ETNK1: variants seen among roughly 807,000 people sequenced by gnomAD.
ETNK1 encodes putative protein product of Nbla10396.
Under a neutral mutation model 45.1 loss-of-function variants are expected in ETNK1, and 8 were observed. The observed-to-expected ratio is 0.18, with a 90% CI of 0.10 to 0.32. ETNK1 has a LOEUF of 0.32. Ranked by LOEUF, ETNK1 falls within the 10% of genes least tolerant of loss-of-function variation. ETNK1 has a pLI of 1.00. For synonymous variants in ETNK1, 152 were observed against 151.9 expected (o/e 1.00, Z -0.01); for missense variants, 302 against 430.6 (o/e 0.70, Z 2.64).
intron 1 of ETNK1, among the ~76,000 whole-genome samples, chr12:22,637,368 C>T (rs1440997339): frequency 6.6e-6 from 1 of 152,118 alleles, no homozygotes; most frequent in East Asian, 1.9e-4. Flanking sequence ...ATCCTGTCCC[C>T]ATTACTTTGC....
intron 4 of ETNK1, among the ~76,000 whole-genome samples, chr12:22,668,278 A>G (rs1165845766): frequency 6.6e-6 from 1 of 152,228 alleles, no homozygotes; most frequent in East Asian, 1.9e-4. Flanking sequence ...CTAGTTAATT[A>G]TTAATGCTGA....
intron 3 of ETNK1, among the ~76,000 whole-genome samples, chr12:22,659,955 T>G (rs976859029): frequency 6.6e-6 from 1 of 151,834 alleles, no homozygotes; most frequent in Non-Finnish European, 1.5e-5. Context: ...ATTTTGTATT[T>G]CTTTTATTCC....
At chr12:22,637,825 T>A (rs1953674790) in intron 1 of ETNK1, among the ~76,000 whole-genome samples, 1 of 151,830 alleles carries the variant, frequency 6.6e-6, no homozygotes, top group Admixed American at 6.6e-5. Flanking sequence ...TCTTATATAC[T>A]TATATTGGGT....
rs1309385563 is a variant in ETNK1 at position 22,625,779 on chromosome 12, T to C, written c.156+193T>C. 4 of 843,986 alleles carry C rather than the reference T, an allele frequency of 4.7e-6. No homozygotes were observed. The East Asian group carries it at 7.9e-5, about 17-fold the overall frequency. 52.3% of individuals were successfully genotyped at this position (843,986 alleles called of 1,614,324 possible). A position where few individuals can be genotyped will look rare whatever the true frequency, so the allele number is the denominator to read the frequency against. On this transcript the variant is annotated intron_variant, in intron 1 of 7. Transcript: ENST00000266517. ...TCCCCCTTCCCGTCGCAGTTGCTCTTTGAGATTGACCTGAGGCACATTTTC... is the reference window on the plus strand; with the variant it reads ...TCCCCCTTCCCGTCGCAGTTGCTCTCTGAGATTGACCTGAGGCACATTTTC...
chr12:22,635,509 C>A (rs1953644415), intron 1 of ETNK1, among the ~76,000 whole-genome samples: 1 of 152,204 alleles, frequency 6.6e-6, no homozygotes, highest in Non-Finnish European at 1.5e-5. Flanking sequence ...TACCAAGATA[C>A]AATGAACAGA....
rs550529675 is a variant in ETNK1, at chr12:22,656,557, G to A, written c.417-2457G>A. On this transcript the variant is annotated intron_variant, in intron 2 of 7. Coordinates refer to ENST00000266517, the MANE Select transcript of ETNK1 (RefSeq NM_018638.5). ...TCACTGAAAGCAGAACTACTGTGCC[G>A]AGCCCTCCAGTGACATGGGCCTTCT... 1.0e-4 allele frequency: 100 copies of A among 985,276 alleles called. No individual in the cohort carries two copies. In the South Asian group the frequency reaches 1.8e-3, roughly 18 times the overall value. 61.0% of individuals were successfully genotyped at this position (985,276 alleles called of 1,614,324 possible). A position where few individuals can be genotyped will look rare whatever the true frequency, so the allele number is the denominator to read the frequency against.
At chr12:22,625,919 A>C in intron 1 of ETNK1, 1 of 576,944 alleles carries the variant, frequency 1.7e-6, no homozygotes, top group Middle Eastern at 2.7e-4. Flanking sequence ...GAACCTTTCC[A>C]CTCCCCTTGC....
intron 4 of ETNK1, among the ~76,000 whole-genome samples, chr12:22,663,694 C>T (rs1473312029): frequency 1.3e-5 from 2 of 152,066 alleles, no homozygotes; most frequent in African/African-American, 4.8e-5. Context: ...ACTTTTGTGT[C>T]TAATTTTCCT....
chr12:22,678,999 C>T (rs1954187944), intron 6 of ETNK1, among the ~76,000 whole-genome samples: 1 of 152,192 alleles, frequency 6.6e-6, no homozygotes, highest in Admixed American at 6.5e-5. Flanking sequence ...AAGGAGTTCA[C>T]CCCAAGTACT....
chr12:22,635,807 C>CT (rs1297692788), intron 1 of ETNK1, among the ~76,000 whole-genome samples: 1 of 152,142 alleles, frequency 6.6e-6, no homozygotes, highest in Admixed American at 6.5e-5. Flanking sequence ...AGATGATACT[C>CT]TAAGTGATTT....
intron 6 of ETNK1, 92 bp downstream of exon 6, chr12:22,673,752 A>C: frequency 1.6e-6 from 2 of 1,260,790 alleles, no homozygotes; most frequent in Non-Finnish European, 2.2e-6. Flanking sequence ...TCCTATTTTA[A>C]GTTTTGTGAA....
At chr12:22,656,772 T>C (rs1953947045) in intron 2 of ETNK1, 1 of 982,382 alleles carries the variant, frequency 1.0e-6, no homozygotes, top group Non-Finnish European at 1.2e-6. Context: ...TGATATTATT[T>C]TTCATTTATT....
intron 3 of ETNK1, among the ~76,000 whole-genome samples, chr12:22,659,373 G>GC (rs1953976379): frequency 6.6e-6 from 1 of 152,116 alleles, no homozygotes; most frequent in Non-Finnish European, 1.5e-5. Context: ...CCCTACAACA[G>GC]CAAGGGGCAG....
intron 6 of ETNK1, among the ~76,000 whole-genome samples, chr12:22,677,226 A>G (rs924307676): frequency 5.9e-5 from 9 of 152,168 alleles, no homozygotes; most frequent in African/African-American, 2.2e-4. Context: ...TTTTCTGCAT[A>G]TGGCTAGCCA....
chr12:22,684,419 T>C, intron 6 of ETNK1, 64 bp from the exon 7 acceptor site: 1 of 1,110,836 alleles, frequency 9.0e-7, no homozygotes, highest in East Asian at 2.4e-5. Context: ...GAATTAGCAA[T>C]TCATATGTGT....
intron 2 of ETNK1, among the ~76,000 whole-genome samples, chr12:22,648,840 C>T (rs11046518): frequency 0.047 from 7,187 of 152,148 alleles, 558 homozygotes; most frequent in African/African-American, 0.16. Flanking sequence ...TTTCCACTAG[C>T]AATGAATGAG....
chr12:22,686,851 A>ATTTTTTTTTTTTTTTTTTTTT lies in ETNK1; in HGVS notation c.*1905_*1925dup, dbSNP rs3983448. 4.3e-5 allele frequency: 3 copies of ATTTTTTTTTTTTTTTTTTTTT among 69,268 alleles called. No homozygotes were observed. Among genetic ancestry groups the ATTTTTTTTTTTTTTTTTTTTT allele is most frequent in the Non-Finnish European group, 8.3e-5 (3 of 36,070 alleles). 4.3% of individuals were successfully genotyped at this position (69,268 alleles called of 1,614,324 possible). On this transcript the variant is annotated 3_prime_UTR_variant, in exon 8 of 8. Transcript: ENST00000266517. ...AGATAAAGAATGTGTAATACTCTTA[A>ATTTTTTTTTTTTTTTTTTTTT]TTTTTTTTTTTTTTTTTTTTTTTTT...
At chr12:22,660,935 G>C (rs927135664) in intron 3 of ETNK1, 128 bp from the exon 4 acceptor site, 13 of 700,318 alleles carry the variant, frequency 1.9e-5, no homozygotes, top group Non-Finnish European at 2.3e-5. Flanking sequence ...TAGAATAATT[G>C]GTCTGTTGTT....
chr12:22,644,397 T>G lies in ETNK1; in HGVS notation c.416+375T>G, dbSNP rs555904555. On this transcript the variant is annotated intron_variant, in intron 2 of 7. Coordinates refer to ENST00000266517, the MANE Select transcript of ETNK1 (RefSeq NM_018638.5). ...TTCAGAGTTCTTGCCTATTAAAATT[T>G]TATTAATTTGGTTAACAATTCTTTG... 2.2e-5 allele frequency: 28 copies of G among 1,298,248 alleles called. No individual in the cohort carries two copies. The African/African-American group carries it at 2.8e-4, about 13-fold the overall frequency. The allele number at this position is 1,298,248 out of a possible 1,614,324, so 80.4% of individuals were successfully genotyped here. A position where few individuals can be genotyped will look rare whatever the true frequency, so the allele number is the denominator to read the frequency against.
Sources: allele counts gnomAD v4.1 joint callset (sites outside exome capture counted in the v4.1 genomes callset), GRCh38; gene constraint gnomAD v4.1.1; transcripts MANE v1.5; gene names NCBI Gene and HGNC (gene_info 2026-07-23, HGNC 2026-07-21).